The following TMEM44 variants were observed in gnomAD, a reference collection of about 807,000 sequenced individuals.
The protein encoded by TMEM44 is transmembrane protein 44.
TMEM44 carries 43 observed loss-of-function variants against 47.8 expected under a neutral mutation model. That is an observed-to-expected ratio of 0.90 (90% confidence interval 0.70 to 1.16). The LOEUF is 1.16. TMEM44 is among the 50% of genes most tolerant of loss of function. The pLI is 0.00. For synonymous variants in TMEM44, 277 were observed against 238.8 expected (o/e 1.16, Z -1.48); for missense variants, 568 against 555.2 (o/e 1.02, Z -0.23).
chr3:194,629,971 A>G (rs1364090644), intron 1 of TMEM44, among the ~76,000 whole-genome samples: 1 of 56,434 alleles, frequency 1.8e-5, no homozygotes, highest in African/African-American at 7.3e-5. Flanking sequence ...CATCGGCGTC[A>G]CTGATAGGGC....
At chr3:194,614,870 A>G (rs1027441128) in intron 7 of TMEM44, among the ~76,000 whole-genome samples, 8 of 152,240 alleles carry the variant, frequency 5.3e-5, no homozygotes, top group Admixed American at 4.6e-4. Context: ...AAACATTTGT[A>G]TAATTGCGAA....
chr3:194,610,472 A>C (rs1027948411), intron 8 of TMEM44, among the ~76,000 whole-genome samples: 4 of 152,168 alleles, frequency 2.6e-5, no homozygotes, highest in Non-Finnish European at 1.5e-5. Context: ...ATTTGTAAAG[A>C]TATTTCTGCA....
intron 1 of TMEM44, 82 bp from the exon 2 acceptor site, chr3:194,628,591 C>A: frequency 6.8e-7 from 1 of 1,469,334 alleles, no homozygotes; most frequent in Non-Finnish European, 9.1e-7. Context: ...GCAACTGTGA[C>A]CCCGCATCGT....
At chr3:194,627,073 C>T (rs1717265225) in intron 2 of TMEM44, among the ~76,000 whole-genome samples, 2 of 152,108 alleles carry the variant, frequency 1.3e-5, no homozygotes, top group South Asian at 2.1e-4. Flanking sequence ...AGGCACGCGC[C>T]ACCACGCCCA....
At chr3:194,618,355 G>A (rs764676987) in intron 5 of TMEM44, among the ~76,000 whole-genome samples, 1 of 151,326 alleles carries the variant, frequency 6.6e-6, no homozygotes, top group Non-Finnish European at 1.5e-5. Context: ...CTATATATAT[G>A]AATATGTATA....
chr3:194,618,827 C>T (rs1448503078), intron 5 of TMEM44, among the ~76,000 whole-genome samples: 2 of 152,208 alleles, frequency 1.3e-5, no homozygotes, highest in Non-Finnish European at 2.9e-5. Flanking sequence ...TGCGTCCCCT[C>T]CAGTTTTGTC....
rs553823376 is a variant in TMEM44 at position 194,611,167 on chromosome 3, A to G, written c.913-147T>C. 17 of 680,004 alleles carry G rather than the reference A, an allele frequency of 2.5e-5. No individual in the cohort carries two copies. The highest frequency in any genetic ancestry group is 3.6e-5 in the Non-Finnish European group (14 of 384,230). The allele number at this position is 680,004 out of a possible 1,614,324, so 42.1% of individuals were successfully genotyped here. A position where few individuals can be genotyped will look rare whatever the true frequency, so the allele number is the denominator to read the frequency against. On this transcript the variant is annotated intron_variant, in intron 7 of 9. Coordinates refer to ENST00000347147, the MANE Select transcript of TMEM44 (RefSeq NM_001011655.3). The surrounding 1 kb of genome is among the most constrained non-coding windows in gnomAD (Gnocchi z 4.2). ...CGGCACGTCTCACTTTCTGCTTCCT[A>G]TAAGATGTGTCTTATCTTTCTCTTC...
chr3:194,619,068 A>G (rs1239824140), intron 5 of TMEM44, among the ~76,000 whole-genome samples: 1 of 152,174 alleles, frequency 6.6e-6, no homozygotes, highest in Non-Finnish European at 1.5e-5. Context: ...ACCACCCACC[A>G]CCATGTTACA....
chr3:194,628,540 G>C (rs1717423620), intron 1 of TMEM44, 31 bp from the exon 2 acceptor site: 3 of 1,576,464 alleles, frequency 1.9e-6, no homozygotes, highest in African/African-American at 1.4e-5. Flanking sequence ...ACAGAACACA[G>C]CAACTGTGAG....
chr3:194,625,762 G>A, intron 3 of TMEM44, 135 bp downstream of exon 3: 2 of 738,674 alleles, frequency 2.7e-6, no homozygotes, highest in South Asian at 1.6e-5. Flanking sequence ...TTCCAGGCGT[G>A]AGCCACCGCG....
intron 7 of TMEM44, among the ~76,000 whole-genome samples, chr3:194,614,007 A>G (rs1469849009): frequency 6.6e-6 from 1 of 151,888 alleles, no homozygotes; most frequent in East Asian, 2.0e-4. Context: ...CTGTAATCCC[A>G]GCTACTTGGG....
chr3:194,625,211 T>C (rs1717011492), intron 3 of TMEM44, among the ~76,000 whole-genome samples: 1 of 152,188 alleles, frequency 6.6e-6, no homozygotes, highest in African/African-American at 2.4e-5. Flanking sequence ...CACCCCGAAC[T>C]TGCACACTAA....
At chr3:194,596,107 G>A (rs759891980) in intron 9 of TMEM44, among the ~76,000 whole-genome samples, 17 of 152,068 alleles carry the variant, frequency 1.1e-4, no homozygotes, top group Non-Finnish European at 2.1e-4. Context: ...CGGCACAGAT[G>A]GGGAGGCGTT....
intron 9 of TMEM44, among the ~76,000 whole-genome samples, chr3:194,601,495 G>T (rs571984785): frequency 3.9e-5 from 6 of 152,056 alleles, no homozygotes; most frequent in African/African-American, 1.4e-4. Flanking sequence ...GTAGAGACTG[G>T]GTTTCTCCAT....
In TMEM44 at chr3:194,602,974, G is replaced by A. The variant is rs530418021; in HGVS notation, c.1176+1313C>T. On this transcript the variant is annotated intron_variant, in intron 9 of 9. Coordinates refer to ENST00000347147, the MANE Select transcript of TMEM44 (RefSeq NM_001011655.3). ...TTACTATTACCATTCTTTCCTAAAA[G>A]GGCATTTAACACCAAAACAGTTGGG... Among the ~76,000 whole-genome samples the A allele has an allele frequency of 4.3e-4, 66 of 152,310 alleles. 1 individual carries two copies. In the South Asian group the frequency reaches 0.01, roughly 24 times the overall value.
chr3:194,588,980 G>T, intron 9 of TMEM44: 1 of 253,904 alleles, frequency 3.9e-6, no homozygotes, highest in South Asian at 5.8e-5. Context: ...CTCATTCCTG[G>T]AAAAAACCAG....
intron 7 of TMEM44, 137 bp downstream of exon 7, chr3:194,615,432 C>T (rs1715773305): frequency 8.2e-7 from 1 of 1,221,172 alleles, no homozygotes; most frequent in Non-Finnish European, 1.1e-6. Context: ...CGAGACAGGA[C>T]AGCTGTCTGA....
At position 194,617,152 on chromosome 3, in the gene TMEM44, G is replaced by A. The variant is rs781255427; in HGVS notation, c.730C>T (p.Arg244Trp). 4.0e-5 allele frequency: 63 copies of A among 1,558,602 alleles called. No individual in the cohort carries two copies. Among genetic ancestry groups the A allele is most frequent in the Middle Eastern group, 4.0e-4 (2 of 4,940 alleles). ...AHDQHPEYLLRATPWFLTSLG... is the reference protein window; with the variant it reads ...AHDQHPEYLLWATPWFLTSLG... The stretch of plus-strand genomic sequence containing the variant: ...GAGGTCAGGAACCAGGGTGTGGCCC[G>A]CAGCAGGTACTCAGGGTGCTGGTCG... Residue 244 changes from arginine (R) to tryptophan (W), a missense_variant, in exon 6 of 10, where the codon CGG (arginine) becomes TGG (tryptophan). Coordinates refer to ENST00000347147, the MANE Select transcript of TMEM44 (RefSeq NM_001011655.3).
intron 3 of TMEM44, among the ~76,000 whole-genome samples, chr3:194,624,820 T>C (rs1165012714): frequency 6.6e-6 from 1 of 152,036 alleles, no homozygotes. Flanking sequence ...TTTAAGCAAT[T>C]CTCCTGCTTC....
Sources: gnomAD v4.1 joint callset for allele counts (sites outside exome capture counted in the v4.1 genomes callset) on GRCh38, gnomAD v4.1.1 for gene constraint, Gnocchi (gnomAD v3.1) non-coding constraint, MANE v1.5 for transcripts, NCBI Gene and HGNC (gene_info 2026-07-23, HGNC 2026-07-21) for gene names.